Variants in NR5A2 observed in about 807,000 individuals in gnomAD.
NR5A2 encodes CYP7A promoter-binding factor.
In NR5A2, 26 loss-of-function variants were observed where a neutral mutation model predicts 62.7. The ratio of observed to expected loss-of-function variants is 0.41; its 90% CI spans 0.30 to 0.58. The LOEUF (loss-of-function observed/expected upper bound fraction) is 0.58. Ranked by LOEUF, NR5A2 falls within the 20% of genes least tolerant of loss-of-function variation. The probability of loss-of-function intolerance (pLI) is 0.22; values close to 1 mark genes in which losing one functional copy is unlikely to be tolerated. For synonymous variants in NR5A2, 246 were observed against 241.7 expected, an observed-to-expected ratio of 1.02 and a Z score of -0.16; for missense variants, 541 against 669.1, an observed-to-expected ratio of 0.81 and a Z score of 2.11.
intron 3 of NR5A2, chr1:200,044,152 T>C: frequency 3.6e-6 from 1 of 280,634 alleles, no homozygotes; most frequent in South Asian, 1.2e-4. Flanking sequence ...GATATAGCTG[T>C]AGAAAGACTT....
intron 5 of NR5A2, among the ~76,000 whole-genome samples, chr1:200,095,570 T>G (rs1558135060): frequency 4.0e-5 from 6 of 151,728 alleles, no homozygotes; most frequent in Non-Finnish European, 8.8e-5. Flanking sequence ...ATTTTTTTTT[T>G]GAGATGGAGT....
chr1:200,073,364 ACATACTG>A (rs1663845858), intron 5 of NR5A2, among the ~76,000 whole-genome samples: 3 of 145,070 alleles, frequency 2.1e-5, no homozygotes, highest in Non-Finnish European at 4.5e-5. Context: ...ATATGCGCAC[ACATACTG>A]CTGTCCCTTG....
intron 5 of NR5A2, among the ~76,000 whole-genome samples, chr1:200,092,038 A>G (rs374366082): frequency 1.3e-5 from 2 of 152,152 alleles, no homozygotes; most frequent in African/African-American, 4.8e-5. Context: ...CCCCAGGTGA[A>G]CTCTAAGTGT....
intron 7 of NR5A2, among the ~76,000 whole-genome samples, chr1:200,154,410 T>C (rs1653281342): frequency 6.6e-6 from 1 of 152,224 alleles, no homozygotes; most frequent in African/African-American, 2.4e-5. Flanking sequence ...CCTGTGGCTG[T>C]GCATTGGGTT....
At chr1:200,099,360 G>A (rs1282136367) in intron 5 of NR5A2, among the ~76,000 whole-genome samples, 2 of 149,642 alleles carry the variant, frequency 1.3e-5, no homozygotes. Context: ...TTTTTTTCCT[G>A]GCTTTGTAAA....
At chr1:200,137,465 C>T (rs1571540031) in intron 7 of NR5A2, among the ~76,000 whole-genome samples, 1 of 151,974 alleles carries the variant, frequency 6.6e-6, no homozygotes, top group East Asian at 1.9e-4. Flanking sequence ...CACACCTGGC[C>T]CAGATTTTAC....
At position 200,056,001 on chromosome 1, in the gene NR5A2, T is replaced by G. The variant is rs141380213; in HGVS notation, c.1110+7183T>G. 1.2e-4 allele frequency among the ~76,000 whole-genome samples: 19 copies of G among 152,314 alleles called. 1 individual carries two copies. The South Asian group carries it at 3.1e-3, about 25-fold the overall frequency. On this transcript the variant is annotated intron_variant, in intron 5 of 7. Coordinates refer to ENST00000367362, the MANE Select transcript of NR5A2 (RefSeq NM_205860.3). ...TGGAATCAGCAGGTTTGATTCATGG[T>G]CTCTAAGGTCTCTTCAGGTGTTAAG...
intron 7 of NR5A2, among the ~76,000 whole-genome samples, chr1:200,141,535 T>C (rs1370474345): frequency 6.6e-6 from 1 of 152,188 alleles, no homozygotes; most frequent in Non-Finnish European, 1.5e-5. Flanking sequence ...GTTGTATACA[T>C]TCAGTTTTGG....
At chr1:200,056,591 A>G (rs1558110272) in intron 5 of NR5A2, among the ~76,000 whole-genome samples, 1 of 152,116 alleles carries the variant, frequency 6.6e-6, no homozygotes, top group Admixed American at 6.5e-5. Context: ...TTCGTTGAGT[A>G]TACATTTACA....
chr1:200,133,532 CACATATATATATAT>C (rs1327675231), intron 7 of NR5A2, among the ~76,000 whole-genome samples: 37 of 66,006 alleles, frequency 5.6e-4, no homozygotes, highest in South Asian at 1.4e-3. Flanking sequence ...TATATACACA[CACATATATATATAT>C]ACACATATAT....
intron 5 of NR5A2, among the ~76,000 whole-genome samples, chr1:200,069,950 T>C (rs998893007): frequency 6.6e-5 from 10 of 152,316 alleles, no homozygotes; most frequent in African/African-American, 1.7e-4. Context: ...GATATTTTTA[T>C]GAAAAGTTTG....
chr1:200,151,159 G>C (rs1428327102), intron 7 of NR5A2, among the ~76,000 whole-genome samples: 1 of 151,868 alleles, frequency 6.6e-6, no homozygotes, highest in Non-Finnish European at 1.5e-5. Context: ...CCCACTGGAA[G>C]GGGGAAAAAA....
At chr1:200,148,790 C>A (rs924620588) in intron 7 of NR5A2, among the ~76,000 whole-genome samples, 5 of 152,004 alleles carry the variant, frequency 3.3e-5, no homozygotes, top group African/African-American at 1.2e-4. Context: ...AATTGAACTC[C>A]AGACAAATGG....
intron 7 of NR5A2, among the ~76,000 whole-genome samples, chr1:200,145,845 A>C (rs1305644521): frequency 2.6e-5 from 4 of 152,180 alleles, no homozygotes; most frequent in African/African-American, 9.7e-5. Flanking sequence ...TAATAATGAA[A>C]GTAACTGCAA....
intron 6 of NR5A2, 46 bp downstream of exon 6, chr1:200,111,367 G>C: frequency 6.4e-7 from 1 of 1,569,898 alleles, no homozygotes; most frequent in Non-Finnish European, 8.6e-7. Context: ...TTTTTATTAA[G>C]CATGTTCAGA....
At chr1:200,068,300 G>C (rs1258800816) in intron 5 of NR5A2, among the ~76,000 whole-genome samples, 1 of 152,142 alleles carries the variant, frequency 6.6e-6, no homozygotes. Flanking sequence ...CAAAATTACA[G>C]ATGAGCATAA....
chr1:200,096,872 C>G (rs891511536), intron 5 of NR5A2, among the ~76,000 whole-genome samples: 3 of 152,222 alleles, frequency 2.0e-5, no homozygotes, highest in African/African-American at 7.2e-5. Flanking sequence ...TAGACTATTC[C>G]ATATAGCCTA....
chr1:200,105,241 T>C (rs1240323844), intron 5 of NR5A2, among the ~76,000 whole-genome samples: 1 of 152,158 alleles, frequency 6.6e-6, no homozygotes, highest in African/African-American at 2.4e-5. Flanking sequence ...ATTACAGGCA[T>C]GTGGGCCACC....
Position 200,174,010 on chromosome 1 carries a change from C to A in NR5A2, c.1426C>A (p.Gln476Lys). The A allele has an allele frequency of 6.4e-7, 1 of 1,570,436 alleles. No individual in the cohort carries two copies. The highest frequency in any genetic ancestry group is 8.6e-7 in the Non-Finnish European group (1 of 1,158,226). ...CCAGCTGGTAGAAGGTGTCCAGGAACAAGTCAATGCCGCCCTGCTGGACTA... is the reference window on the plus strand; with the variant it reads ...CCAGCTGGTAGAAGGTGTCCAGGAAAAAGTCAATGCCGCCCTGCTGGACTA... ...NFQLVEGVQE[Q>K]VNAALLDYTM... Residue 476 changes from glutamine (Q) to lysine (K), a missense_variant, in exon 8 of 8, where the codon CAA becomes AAA. Gln to Lys is a moderately conservative substitution (Grantham distance 53). This residue lies in a region of NR5A2 where 379 missense variants were observed against 442.0 expected (regional missense o/e 0.86). Coordinates refer to ENST00000367362, the MANE Select transcript of NR5A2 (RefSeq NM_205860.3).
Sources: allele counts gnomAD v4.1 joint callset (sites outside exome capture counted in the v4.1 genomes callset), GRCh38; gene constraint gnomAD v4.1.1; regional missense constraint gnomAD v4.1.1; transcripts MANE v1.5; gene names NCBI Gene and HGNC (gene_info 2026-07-23, HGNC 2026-07-21).